PARVB: variants seen among roughly 807,000 people sequenced by gnomAD.
The protein encoded by PARVB is beta-parvin.
PARVB carries 46 observed loss-of-function variants against 47.0 expected under a neutral mutation model. The ratio of observed to expected loss-of-function variants is 0.98; its 90% CI spans 0.77 to 1.25. PARVB has a LOEUF of 1.25. PARVB is among the 50% of genes most tolerant of loss of function. PARVB has a pLI of 0.00. For synonymous variants in PARVB, 196 were observed against 196.3 expected (o/e 1.00, Z 0.01); for missense variants, 473 against 471.6 (o/e 1.00, Z -0.03).
intron 2 of PARVB, 26 bp from the exon 3 acceptor site, chr22:44,100,027 C>G: frequency 6.2e-7 from 1 of 1,606,186 alleles, no homozygotes; most frequent in Non-Finnish European, 8.5e-7. Context: ...CAATCGCTGA[C>G]CGTGACTTCC....
At chr22:44,167,126 C>T (rs573936067) in intron 12 of PARVB, among the ~76,000 whole-genome samples, 5 of 152,118 alleles carry the variant, frequency 3.3e-5, no homozygotes, top group Admixed American at 6.5e-5. Flanking sequence ...GGCATCCTGG[C>T]CCCCTGCCCC....
chr22:44,139,789 C>T (rs891650762), intron 7 of PARVB: 4 of 317,880 alleles, frequency 1.3e-5, no homozygotes, highest in African/African-American at 6.3e-5. Context: ...GCTGGAAGAC[C>T]TGTTGTCTGC....
chr22:44,035,142 C>T (rs2050897044), intron 1 of PARVB, among the ~76,000 whole-genome samples: 1 of 152,108 alleles, frequency 6.6e-6, no homozygotes, highest in African/African-American at 2.4e-5. Flanking sequence ...ATTCTTACTA[C>T]AAAGTGAGCC....
intron 10 of PARVB, among the ~76,000 whole-genome samples, chr22:44,157,263 G>A (rs1484811748): frequency 1.3e-5 from 2 of 152,158 alleles, no homozygotes; most frequent in Non-Finnish European, 2.9e-5. Flanking sequence ...AGCTGATGCT[G>A]ATGGAGCACT....
intron 1 of PARVB, chr22:43,999,435 G>A (rs893757544): frequency 5.6e-6 from 9 of 1,596,988 alleles, no homozygotes; most frequent in South Asian, 3.3e-5. Context: ...TAAACAAAAC[G>A]AATGTTGTTA....
chr22:44,160,653 C>T (rs1307405744), intron 11 of PARVB, among the ~76,000 whole-genome samples: 3 of 152,128 alleles, frequency 2.0e-5, no homozygotes, highest in African/African-American at 7.2e-5. Flanking sequence ...GGAGGCATGG[C>T]CTTGAGAGAT....
In PARVB at chr22:44,132,031, G is replaced by A. The variant is rs544205701; in HGVS notation, c.517+404G>A. On this transcript the variant is annotated intron_variant, in intron 5 of 12. Coordinates refer to ENST00000338758, the MANE Select transcript of PARVB (RefSeq NM_013327.5). ...CTGGCATTATGAGATGTGACATCAC[G>A]GTATTTTCAGCCAAGACATGAACCC... 8.5e-5 allele frequency among the ~76,000 whole-genome samples: 13 copies of A among 152,278 alleles called. 1 individual carries two copies. Among genetic ancestry groups the A allele is most frequent in the Admixed American group, 2.6e-4 (4 of 15,298 alleles).
At chr22:44,101,094 C>T (rs1249699234) in intron 3 of PARVB, among the ~76,000 whole-genome samples, 1 of 152,234 alleles carries the variant, frequency 6.6e-6, no homozygotes, top group Non-Finnish European at 1.5e-5. Context: ...AGTAAGACGG[C>T]TTGCAAGTTA....
chr22:44,074,110 G>A (rs2051713525), intron 1 of PARVB, among the ~76,000 whole-genome samples: 1 of 152,236 alleles, frequency 6.6e-6, no homozygotes, highest in South Asian at 2.1e-4. Flanking sequence ...CTCTGAGGCA[G>A]GAGCCAGGGG....
At chr22:44,133,348 C>A (rs766650238) in intron 6 of PARVB, among the ~76,000 whole-genome samples, 1 of 152,136 alleles carries the variant, frequency 6.6e-6, no homozygotes, top group Non-Finnish European at 1.5e-5. Context: ...GTTGGCCCCG[C>A]GGGATGAAAC....
chr22:44,139,966 C>T, intron 7 of PARVB, 158 bp from the exon 8 acceptor site: 1 of 442,818 alleles, frequency 2.3e-6, no homozygotes, highest in South Asian at 2.2e-5. Flanking sequence ...GGCTGGAACA[C>T]AGCACCATGT....
intron 3 of PARVB, chr22:44,105,191 G>A (rs1302540394): frequency 6.6e-6 from 1 of 152,212 alleles, no homozygotes; most frequent in African/African-American, 2.4e-5. Context: ...AGCCCCTCCA[G>A]CAGCTGGCTG....
At chr22:44,099,908 A>T (rs1262299136) in intron 2 of PARVB, 145 bp from the exon 3 acceptor site, 1 of 661,502 alleles carries the variant, frequency 1.5e-6, no homozygotes, top group East Asian at 2.7e-5. Context: ...TCCACCTTCC[A>T]GAAGGCGGTT....
At position 44,146,264 on chromosome 22, in the gene PARVB, ACAG is replaced by A. The variant is rs1569152396; in HGVS notation, c.713-1594_713-1592del. ...CACGCGCTCACACGTACACACGCTC[ACAG>A]CACACACACATGTTCACACACAACC... is the stretch of plus-strand genomic sequence containing the variant. On this transcript the variant is annotated intron_variant, in intron 8 of 12. Transcript: ENST00000338758. The A allele has an allele frequency of 2.2e-5, 3 of 136,246 alleles. No homozygotes were observed. The East Asian group carries it at 6.7e-4, about 30-fold the overall frequency. The allele number at this position is 136,246 out of a possible 1,614,324, so 8.4% of individuals were successfully genotyped here. A position where few individuals can be genotyped will look rare whatever the true frequency, so the allele number is the denominator to read the frequency against.
chr22:44,156,251 T>C (rs1474606344), intron 10 of PARVB, among the ~76,000 whole-genome samples: 1 of 151,992 alleles, frequency 6.6e-6, no homozygotes, highest in Admixed American at 6.6e-5. Context: ...GCTTCTGATA[T>C]TGGATGTTTG....
chr22:44,059,023 T>A (rs1051839487), intron 1 of PARVB, among the ~76,000 whole-genome samples: 3 of 148,954 alleles, frequency 2.0e-5, no homozygotes, highest in African/African-American at 7.5e-5. Context: ...TCTTCTTAGT[T>A]CTGCACACCC....
intron 2 of PARVB, among the ~76,000 whole-genome samples, chr22:44,098,111 C>G (rs2052352314): frequency 6.6e-6 from 1 of 152,108 alleles, no homozygotes; most frequent in South Asian, 2.1e-4. Flanking sequence ...TGGGGACATG[C>G]TAGATAGGGC....
chr22:44,163,781 G>A (rs775591408), intron 11 of PARVB, 77 bp from the exon 12 acceptor site: 22 of 1,257,610 alleles, frequency 1.7e-5, no homozygotes, highest in South Asian at 8.2e-5. Flanking sequence ...TGTCCATGCC[G>A]GCTGTCCTCC....
Position 44,171,506 on chromosome 22 carries a change from A to AAAG in PARVB, c.*2828_*2829insAAG, listed in dbSNP as rs61575710. ...TGAGACTCTGTCTCAAAAAAAAAAA[A>AAAG]GAAAGAAAAAAGAAAAAGAAAAGAA... On this transcript the variant is annotated 3_prime_UTR_variant, in exon 13 of 13. Transcript: ENST00000338758. The AAAG allele has an allele frequency of 7.0e-6, 1 of 143,766 alleles. No individual in the cohort carries two copies. The highest frequency in any genetic ancestry group is 1.5e-5 in the Non-Finnish European group (1 of 64,794). The allele number at this position is 143,766 out of a possible 1,614,324, so 8.9% of individuals were successfully genotyped here.
Sources: allele counts gnomAD v4.1 joint callset (sites outside exome capture counted in the v4.1 genomes callset), GRCh38; gene constraint gnomAD v4.1.1; transcripts MANE v1.5; gene names NCBI Gene and HGNC (gene_info 2026-07-23, HGNC 2026-07-21).